Variants in ANKRD30A observed in about 807,000 individuals in gnomAD.
The protein encoded by ANKRD30A is ankyrin repeat domain 30A.
Under a neutral mutation model 166.3 loss-of-function variants are expected in ANKRD30A, and 170 were observed. The ratio of observed to expected loss-of-function variants is 1.02; its 90% CI spans 0.90 to 1.16. The LOEUF (loss-of-function observed/expected upper bound fraction) is 1.16, where lower values mean the gene tolerates loss of function less well. ANKRD30A is among the 50% of genes most tolerant of loss of function. The pLI is 0.00. For synonymous variants in ANKRD30A, 564 were observed against 508.9 expected, an observed-to-expected ratio of 1.11 and a Z score of -1.46; for missense variants, 1,630 against 1,518.0, an observed-to-expected ratio of 1.07 and a Z score of -1.23.
At chr10:37,155,883 C>T (rs1196346520) in intron 13 of ANKRD30A, among the ~76,000 whole-genome samples, 1 of 151,964 alleles carries the variant, frequency 6.6e-6, no homozygotes, top group Admixed American at 6.6e-5. Flanking sequence ...AGATCCAGAC[C>T]ATCCTGGCCA....
the ANKRD30A span, chr10:37,261,725 T>G: frequency 6.6e-6 from 1 of 152,204 alleles, no homozygotes; most frequent in East Asian, 1.9e-4. Context: ...AAATTAGGCA[T>G]TAGAATCACG....
chr10:37,155,949 T>C (rs984533988), intron 13 of ANKRD30A, among the ~76,000 whole-genome samples: 2 of 151,664 alleles, frequency 1.3e-5, no homozygotes, highest in Non-Finnish European at 2.9e-5. Flanking sequence ...GGCGTGGTGG[T>C]GGGTGCCTGT....
At chr10:37,263,062 T>C in the ANKRD30A span, among the ~76,000 whole-genome samples, 1 of 152,188 alleles carries the variant, frequency 6.6e-6, no homozygotes, top group Non-Finnish European at 1.5e-5. Context: ...GTTTTATAGA[T>C]GTTCCATCAT....
chr10:37,162,612 T>G lies in ANKRD30A; in HGVS notation c.1901-37T>G, dbSNP rs777152047. ...TCATTTGTGGTTGGCTTGTCATATT[T>G]ACATATGATTGATGATAAATCTCTT... is the stretch of plus-strand genomic sequence containing the variant. On this transcript the variant is annotated intron_variant, in intron 15 of 35. Coordinates refer to ENST00000361713, the MANE Select transcript of ANKRD30A (RefSeq NM_052997.3). 3.1e-6 allele frequency: 5 copies of G among 1,611,174 alleles called. No homozygotes were observed. The East Asian group carries it at 1.1e-4, about 36-fold the overall frequency.
intron 25 of ANKRD30A, among the ~76,000 whole-genome samples, chr10:37,190,796 T>C (rs1171650636): frequency 6.6e-6 from 1 of 151,720 alleles, no homozygotes; most frequent in Non-Finnish European, 1.5e-5. Context: ...TAATAATCTT[T>C]ATTAATATGA....
chr10:37,153,991 G>A (rs1030143554), intron 13 of ANKRD30A, among the ~76,000 whole-genome samples: 14 of 152,274 alleles, frequency 9.2e-5, no homozygotes, highest in African/African-American at 2.9e-4. Flanking sequence ...GGAACAAGAA[G>A]CAGGTTTATA....
intron 31 of ANKRD30A, among the ~76,000 whole-genome samples, chr10:37,208,479 C>G (rs1842108625): frequency 6.6e-6 from 1 of 152,120 alleles, no homozygotes; most frequent in Non-Finnish European, 1.5e-5. Context: ...CCTGTGGTCA[C>G]CATTTGTTGG....
chr10:37,228,593 C>T (rs1423149725), intron 34 of ANKRD30A, among the ~76,000 whole-genome samples: 1 of 151,970 alleles, frequency 6.6e-6, no homozygotes, highest in Non-Finnish European at 1.5e-5. Flanking sequence ...CGCTTCACAA[C>T]TTGCCTCTTT....
the ANKRD30A span, among the ~76,000 whole-genome samples, chr10:37,255,420 A>C: frequency 6.6e-5 from 10 of 152,340 alleles, no homozygotes; most frequent in African/African-American, 2.4e-4. Flanking sequence ...ATACAATTAA[A>C]AAAATGGTTT....
At chr10:37,172,625 C>G (rs533480548) in intron 21 of ANKRD30A, among the ~76,000 whole-genome samples, 103 of 105,188 alleles carry the variant, frequency 9.8e-4, no homozygotes, top group Non-Finnish European at 1.5e-3. Context: ...GCAGGTAATT[C>G]TGGAGACTCT....
At chr10:37,229,131 G>C (rs1030343081) in intron 34 of ANKRD30A, among the ~76,000 whole-genome samples, 3 of 151,936 alleles carry the variant, frequency 2.0e-5, no homozygotes, top group African/African-American at 7.2e-5. Context: ...GAGCTTCTAG[G>C]CATTCATAAA....
At chr10:37,224,159 C>T (rs1843019425) in intron 34 of ANKRD30A, among the ~76,000 whole-genome samples, 2 of 151,236 alleles carry the variant, frequency 1.3e-5, no homozygotes, top group Non-Finnish European at 3.0e-5. Context: ...ATGCCTTTGG[C>T]ATATAATGTC....
At chr10:37,172,093 G>C (rs555353126) in intron 21 of ANKRD30A, among the ~76,000 whole-genome samples, 3 of 137,754 alleles carry the variant, frequency 2.2e-5, no homozygotes, top group South Asian at 2.2e-4. Flanking sequence ...CGTCTGTAAT[G>C]CCAGCACGTT....
At chr10:37,137,092 C>T (rs1836750538) in intron 6 of ANKRD30A, among the ~76,000 whole-genome samples, 1 of 151,624 alleles carries the variant, frequency 6.6e-6, no homozygotes, top group African/African-American at 2.4e-5. Flanking sequence ...TTGATGAGCT[C>T]AGTAACAGGG....
At chr10:37,152,401 C>T (rs113854383) in intron 12 of ANKRD30A, among the ~76,000 whole-genome samples, 11 of 152,114 alleles carry the variant, frequency 7.2e-5, no homozygotes, top group African/African-American at 2.4e-4. Flanking sequence ...ATCTGAAGTA[C>T]ATTTGTCTAA....
chr10:37,258,200 A>T, the ANKRD30A span, among the ~76,000 whole-genome samples: 2 of 152,366 alleles, frequency 1.3e-5, no homozygotes, highest in Admixed American at 6.5e-5. Context: ...GAAAGATTCT[A>T]TATTGTAAAT....
At chr10:37,213,435 ATCACC>A (rs1157682638) in intron 31 of ANKRD30A, among the ~76,000 whole-genome samples, 1 of 151,778 alleles carries the variant, frequency 6.6e-6, no homozygotes, top group African/African-American at 2.4e-5. Flanking sequence ...TCCTAATAAC[ATCACC>A]TCTATGATTT....
In ANKRD30A at chr10:37,158,402, T is replaced by A. The variant is rs763078849; in HGVS notation, c.1809T>A (p.Asn603Lys). Residue 603 changes from asparagine to lysine, a missense_variant, in exon 14 of 36, where the codon AAT becomes AAA. Around this residue, in one of 4 missense-constraint regions of ANKRD30A, gnomAD observed 904 missense variants for 818.5 expected, o/e 1.10. Transcript: ENST00000361713. ...TCCCTTTTCTTATAGAGTCTCCTAATAAAGATGGTCTTCTGAAGGTAATAA... is the reference window on the plus strand; with the variant it reads ...TCCCTTTTCTTATAGAGTCTCCTAAAAAAGATGGTCTTCTGAAGGTAATAA... ...KINGKLEESP[N>K]KDGLLKATCG... The A allele has an allele frequency of 6.2e-7, 1 of 1,610,452 alleles. No homozygotes were observed. Among genetic ancestry groups the A allele is most frequent in the South Asian group, 1.1e-5 (1 of 90,842 alleles).
intron 13 of ANKRD30A, among the ~76,000 whole-genome samples, chr10:37,156,621 T>G (rs1298450379): frequency 6.6e-6 from 1 of 152,186 alleles, no homozygotes; most frequent in Non-Finnish European, 1.5e-5. Context: ...AAGGAAAATA[T>G]TTTGGTTACA....
Sources: allele counts gnomAD v4.1 joint callset (sites outside exome capture counted in the v4.1 genomes callset), GRCh38; gene constraint gnomAD v4.1.1; regional missense constraint gnomAD v4.1.1; transcripts MANE v1.5; gene names NCBI Gene and HGNC (gene_info 2026-07-23, HGNC 2026-07-21).